Variants in NAALAD2 observed in about 807,000 individuals in gnomAD.
NAALAD2 encodes N-acetylated alpha-linked acidic dipeptidase 2.
NAALAD2 carries 89 observed loss-of-function variants against 95.6 expected under a neutral mutation model. The observed-to-expected ratio is 0.93, with a 90% CI of 0.78 to 1.11. NAALAD2 has a LOEUF of 1.11. Ranked by LOEUF, NAALAD2 falls within the 50% of genes least tolerant of loss-of-function variation. The probability of loss-of-function intolerance (pLI) is 0.00; values close to 1 mark genes in which losing one functional copy is unlikely to be tolerated. For missense variants in NAALAD2, 894 were observed against 872.4 expected (o/e 1.02, Z -0.31); for synonymous variants, 264 against 294.4 (o/e 0.90, Z 1.06).
chr11:90,139,389 T>C (rs1282468241), intron 2 of NAALAD2, among the ~76,000 whole-genome samples: 2 of 152,202 alleles, frequency 1.3e-5, no homozygotes, highest in African/African-American at 4.8e-5. Context: ...TAAATCTCAG[T>C]GCTTACATCT....
Position 90,158,134 on chromosome 11 carries a change from G to T in NAALAD2, c.797-11G>T. On this transcript the variant is annotated splice_polypyrimidine_tract_variant and intron_variant, in intron 6 of 18. Coordinates refer to ENST00000534061, the MANE Select transcript of NAALAD2 (RefSeq NM_005467.4). ...TAAATTGTTTTCATTTTATGCATTTGATTTTTTTAGAATACACTTTCAGAC... is the reference window on the plus strand; with the variant it reads ...TAAATTGTTTTCATTTTATGCATTTTATTTTTTTAGAATACACTTTCAGAC... The T allele has an allele frequency of 6.3e-7, 1 of 1,579,986 alleles. No individual in the cohort carries two copies. The highest frequency in any genetic ancestry group is 8.7e-7 in the Non-Finnish European group (1 of 1,154,462).
At chr11:90,139,313 C>T (rs1951544094) in intron 2 of NAALAD2, among the ~76,000 whole-genome samples, 1 of 152,094 alleles carries the variant, frequency 6.6e-6, no homozygotes, top group Non-Finnish European at 1.5e-5. Context: ...TAGATAAGGG[C>T]AGTCCTTATC....
intron 13 of NAALAD2, among the ~76,000 whole-genome samples, chr11:90,171,656 A>C (rs1952640500): frequency 6.6e-6 from 1 of 152,148 alleles, no homozygotes. Context: ...CAGTAGACAA[A>C]GGAGACTTGT....
At chr11:90,180,712 A>G (rs570887019) in intron 16 of NAALAD2, among the ~76,000 whole-genome samples, 43 of 152,184 alleles carry the variant, frequency 2.8e-4, no homozygotes, top group African/African-American at 9.9e-4. Context: ...ATGGAAAATA[A>G]TAAATTGTTG....
intron 2 of NAALAD2, among the ~76,000 whole-genome samples, chr11:90,138,725 CTTTTTTTTTTTTTTTTTTTTTTT>C (rs562496549): frequency 1.6e-5 from 1 of 61,486 alleles, no homozygotes; most frequent in African/African-American, 5.6e-5. Context: ...CATCCCTCAA[CTTTTTTTTTTTTTTTTTTTTTTT>C]TTTTTTTTTT....
At chr11:90,165,812 G>C (rs1373153261) in intron 11 of NAALAD2, among the ~76,000 whole-genome samples, 2 of 152,062 alleles carry the variant, frequency 1.3e-5, no homozygotes, top group East Asian at 3.9e-4. Context: ...GATTTCTTGT[G>C]ATACATATAT....
chr11:90,147,530 T>A lies in NAALAD2; in HGVS notation c.381+14T>A. ...CATGAAACTGAGGTATGTGAAATTG[T>A]TGGTACTTTTTATATTTTGCAATCC... On this transcript the variant is annotated intron_variant, in intron 3 of 18. Coordinates refer to ENST00000534061, the MANE Select transcript of NAALAD2 (RefSeq NM_005467.4). The A allele has an allele frequency of 6.3e-7, 1 of 1,587,102 alleles. No individual in the cohort carries two copies. The highest frequency in any genetic ancestry group is 8.6e-7 in the Non-Finnish European group (1 of 1,166,468).
chr11:90,164,748 C>T (rs538445754), intron 11 of NAALAD2, among the ~76,000 whole-genome samples: 1 of 152,208 alleles, frequency 6.6e-6, no homozygotes, highest in South Asian at 2.1e-4. Context: ...TGGTTTTTCA[C>T]ATGTATATCA....
Position 90,150,464 on chromosome 11 carries a change from A to C in NAALAD2, c.484-18A>C, listed in dbSNP as rs769389362. 6.5e-7 allele frequency: 1 copy of C among 1,528,970 alleles called. No homozygotes were observed. The highest frequency in any genetic ancestry group is 1.9e-5 in the Admixed American group (1 of 52,324). 94.7% of individuals were successfully genotyped at this position (1,528,970 alleles called of 1,614,324 possible). ...CTTTAATTTTAGCAGTATTATATAT[A>C]TTTTCTTTTCCCTATAGGGAGATCT... On this transcript the variant is annotated intron_variant, in intron 4 of 18. Coordinates refer to ENST00000534061, the MANE Select transcript of NAALAD2 (RefSeq NM_005467.4).
chr11:90,149,781 T>A (rs1385069423), intron 4 of NAALAD2, among the ~76,000 whole-genome samples: 1 of 152,184 alleles, frequency 6.6e-6, no homozygotes, highest in East Asian at 1.9e-4. Flanking sequence ...TTTCATAATT[T>A]GAATATTTTA....
Position 90,147,318 on chromosome 11 carries a change from T to G in NAALAD2, c.195-12T>G. ...GTCTTTAATGCCCTCTTATGTTTTA[T>G]TTTCATTTTAGTTCTTTTACAAAGC... On this transcript the variant is annotated splice_polypyrimidine_tract_variant and intron_variant, in intron 2 of 18. Transcript: ENST00000534061. 2 of 1,607,310 alleles carry G rather than the reference T, an allele frequency of 1.2e-6. No homozygotes were observed. Among genetic ancestry groups the G allele is most frequent in the South Asian group, 2.2e-5 (2 of 90,794 alleles).
intron 18 of NAALAD2, among the ~76,000 whole-genome samples, chr11:90,188,341 ATTC>A (rs1232532027): frequency 4.6e-5 from 7 of 152,248 alleles, no homozygotes; most frequent in South Asian, 2.1e-4. Context: ...CATATAAAAC[ATTC>A]TTCTTAAAAT....
At chr11:90,164,538 A>C (rs1162377102) in intron 11 of NAALAD2, among the ~76,000 whole-genome samples, 1 of 152,180 alleles carries the variant, frequency 6.6e-6, no homozygotes, top group Non-Finnish European at 1.5e-5. Flanking sequence ...GAGTAAGCTC[A>C]ATAAACACAC....
At position 90,180,834 on chromosome 11, in the gene NAALAD2, A is replaced by C. The variant is rs575313424; in HGVS notation, c.1859-786A>C. ...AAAAAAAACCCATTAAGTTTCAAAAAAGCAAAACTTGAATTTGAATTTGTT... is the reference window on the plus strand; with the variant it reads ...AAAAAAAACCCATTAAGTTTCAAAACAGCAAAACTTGAATTTGAATTTGTT... On this transcript the variant is annotated intron_variant, in intron 16 of 18. Coordinates refer to ENST00000534061, the MANE Select transcript of NAALAD2 (RefSeq NM_005467.4). Among the ~76,000 whole-genome samples, 5 of 152,226 alleles carry C rather than the reference A, an allele frequency of 3.3e-5. No homozygotes were observed. In the South Asian group the frequency reaches 1.0e-3, roughly 32 times the overall value.
At chr11:90,183,053 A>G (rs764255237) in intron 18 of NAALAD2, 45 bp downstream of exon 18, 3 of 1,428,988 alleles carry the variant, frequency 2.1e-6, no homozygotes, top group South Asian at 2.3e-5. Flanking sequence ...GACCAAAACC[A>G]GCATACCTAA....
intron 16 of NAALAD2, among the ~76,000 whole-genome samples, chr11:90,180,458 C>T (rs1422411912): frequency 1.3e-5 from 2 of 152,158 alleles, no homozygotes; most frequent in East Asian, 1.9e-4. Context: ...ACTGAATATA[C>T]TTATACTGAA....
chr11:90,185,876 T>A (rs954464143), intron 18 of NAALAD2, among the ~76,000 whole-genome samples: 22 of 110,862 alleles, frequency 2.0e-4, no homozygotes, highest in African/African-American at 6.5e-4. Context: ...TTTTTTTTTA[T>A]ATACATTTAA....
chr11:90,166,767 G>A (rs1952464154), intron 11 of NAALAD2, among the ~76,000 whole-genome samples: 1 of 151,682 alleles, frequency 6.6e-6, no homozygotes, highest in Non-Finnish European at 1.5e-5. Context: ...CCCGGGAGGT[G>A]GAGCTTGCAG....
At chr11:90,139,054 A>ATG (rs1183271532) in intron 2 of NAALAD2, among the ~76,000 whole-genome samples, 2 of 151,940 alleles carry the variant, frequency 1.3e-5, no homozygotes, top group East Asian at 3.9e-4. Context: ...AATTAGAGAG[A>ATG]TGTGTTTGGG....
Sources: allele counts gnomAD v4.1 joint callset (sites outside exome capture counted in the v4.1 genomes callset), GRCh38; gene constraint gnomAD v4.1.1; transcripts MANE v1.5; gene names NCBI Gene and HGNC (gene_info 2026-07-23, HGNC 2026-07-21).